The following PRKCE variants were observed in gnomAD, a reference collection of about 807,000 sequenced individuals.
PRKCE encodes protein kinase C epsilon type.
In PRKCE, 16 loss-of-function variants were observed where a neutral mutation model predicts 85.4. The observed-to-expected ratio is 0.19, with a 90% CI of 0.13 to 0.28. The LOEUF (loss-of-function observed/expected upper bound fraction) is 0.28. Among genes scored for constraint, PRKCE ranks in the 10% least tolerant of loss-of-function variants. PRKCE has a pLI of 1.00. For missense variants in PRKCE, 573 were observed against 975.2 expected (o/e 0.59, Z 5.49); for synonymous variants, 388 against 371.5 (o/e 1.04, Z -0.51).
At chr2:46,094,074 T>G (rs139459529) in intron 11 of PRKCE, among the ~76,000 whole-genome samples, 1 of 152,332 alleles carries the variant, frequency 6.6e-6, no homozygotes, top group African/African-American at 2.4e-5. Flanking sequence ...TTAGCATGTT[T>G]AGGTATAAGC....
chr2:45,652,198 C>T lies in PRKCE; in HGVS notation c.98C>T (p.Pro33Leu). 1 of 1,613,614 alleles carries T rather than the reference C, an allele frequency of 6.2e-7. No homozygotes were observed. The highest frequency in any genetic ancestry group is 8.5e-7 in the Non-Finnish European group (1 of 1,179,968). ...WSLRHAVGPR[P>L]QTFLLDPYIA... ...CTGCGCCATGCGGTGGGACCCCGGC[C>T]GCAGACTTTCCTTCTCGACCCCTAC... Residue 33 changes from proline to leucine, a missense_variant, in exon 1 of 15, where the codon CCG becomes CTG. Pro to Leu is a moderately conservative substitution (Grantham distance 98). Transcript: ENST00000306156. This position sits in a 1 kb window ranked among gnomAD's most constrained non-coding sequence, Gnocchi z 7.7.
chr2:45,838,670 C>A (rs1171403059), intron 1 of PRKCE, among the ~76,000 whole-genome samples: 2 of 152,114 alleles, frequency 1.3e-5, no homozygotes, highest in Non-Finnish European at 2.9e-5. Context: ...GTCACCCAGA[C>A]TGCAGTGCAG....
At chr2:45,729,684 G>T (rs543231628) in intron 1 of PRKCE, among the ~76,000 whole-genome samples, 1 of 152,296 alleles carries the variant, frequency 6.6e-6, no homozygotes, top group African/African-American at 2.4e-5. Context: ...CTCCATGGGG[G>T]CTTATTTTTT....
intron 1 of PRKCE, among the ~76,000 whole-genome samples, chr2:45,735,867 G>GAAATTA (rs1682014242): frequency 6.6e-6 from 1 of 152,200 alleles, no homozygotes; most frequent in Non-Finnish European, 1.5e-5. Context: ...GTGGAGAAAG[G>GAAATTA]AAATTAATGC....
rs79325241 is a variant in PRKCE at position 46,186,180 on chromosome 2, C to G, written c.*1299C>G. 5.9e-5 allele frequency: 9 copies of G among 152,640 alleles called. No individual in the cohort carries two copies. The East Asian group carries it at 1.7e-3, about 29-fold the overall frequency. 9.5% of individuals were successfully genotyped at this position (152,640 alleles called of 1,614,324 possible). A position where few individuals can be genotyped will look rare whatever the true frequency, so the allele number is the denominator to read the frequency against. ...CTGTAGATATGCTAACAGTGTTATTCTTTCATTTCCAAGGGTTCTCTGTGG... is the reference window on the plus strand; with the variant it reads ...CTGTAGATATGCTAACAGTGTTATTGTTTCATTTCCAAGGGTTCTCTGTGG... On this transcript the variant is annotated 3_prime_UTR_variant, in exon 15 of 15. Transcript: ENST00000306156.
At chr2:45,678,488 T>C (rs2103905102) in intron 1 of PRKCE, among the ~76,000 whole-genome samples, 1 of 152,324 alleles carries the variant, frequency 6.6e-6, no homozygotes, top group Admixed American at 6.5e-5. Flanking sequence ...AACCAGTCAT[T>C]TCCGAACTTT....
intron 1 of PRKCE, among the ~76,000 whole-genome samples, chr2:45,682,085 T>C (rs983814929): frequency 1.3e-5 from 2 of 152,214 alleles, no homozygotes; most frequent in African/African-American, 4.8e-5. Flanking sequence ...AAGTGTTGTT[T>C]ATCCAAACAA....
chr2:45,861,995 A>G (rs1693196111), intron 2 of PRKCE, among the ~76,000 whole-genome samples: 1 of 152,232 alleles, frequency 6.6e-6, no homozygotes, highest in African/African-American at 2.4e-5. Context: ...ATACGCCAGC[A>G]TAGTGTACAC....
intron 1 of PRKCE, among the ~76,000 whole-genome samples, chr2:45,768,351 C>A (rs749484297): frequency 6.6e-6 from 1 of 152,328 alleles, no homozygotes; most frequent in South Asian, 2.1e-4. Flanking sequence ...CAAATGACAT[C>A]GTCTATGTGT....
intron 12 of PRKCE, among the ~76,000 whole-genome samples, chr2:46,148,368 C>T (rs889401136): frequency 6.6e-6 from 1 of 152,218 alleles, no homozygotes; most frequent in African/African-American, 2.4e-5. Context: ...AGGAATCTTA[C>T]AAAAGATGCC....
At chr2:45,750,746 G>C (rs1205626469) in intron 1 of PRKCE, among the ~76,000 whole-genome samples, 1 of 152,218 alleles carries the variant, frequency 6.6e-6, no homozygotes. Context: ...ATACATGGAA[G>C]TATATAGAAC....
intron 10 of PRKCE, 135 bp downstream of exon 10, chr2:46,010,652 AG>A: frequency 6.3e-7 from 1 of 1,599,148 alleles, no homozygotes; most frequent in Non-Finnish European, 8.5e-7. Flanking sequence ...TGAAAAGATC[AG>A]GATGTATTTG....
chr2:46,119,013 G>A (rs951674908), intron 11 of PRKCE, among the ~76,000 whole-genome samples: 1 of 152,170 alleles, frequency 6.6e-6, no homozygotes, highest in South Asian at 2.1e-4. Flanking sequence ...GCTCCAGGAG[G>A]AAGAGAGCAA....
At chr2:45,928,073 A>G (rs1348776302) in intron 2 of PRKCE, among the ~76,000 whole-genome samples, 1 of 152,016 alleles carries the variant, frequency 6.6e-6, no homozygotes, top group Non-Finnish European at 1.5e-5. Flanking sequence ...AAACTCCTTG[A>G]CTTCAAGGAT....
chr2:45,815,727 A>G (rs1688990400), intron 1 of PRKCE, among the ~76,000 whole-genome samples: 1 of 152,240 alleles, frequency 6.6e-6, no homozygotes, highest in South Asian at 2.1e-4. Context: ...TTTGTAAGGA[A>G]TAACTAGGGA....
intron 10 of PRKCE, among the ~76,000 whole-genome samples, chr2:46,062,650 A>G (rs1400895194): frequency 7.0e-6 from 1 of 143,588 alleles, no homozygotes; most frequent in African/African-American, 2.6e-5. Context: ...TAGGAGTTGA[A>G]GGGTATAAAA....
intron 1 of PRKCE, chr2:45,675,666 G>A (rs1385537368): frequency 6.6e-6 from 1 of 152,220 alleles, no homozygotes; most frequent in African/African-American, 2.4e-5. Context: ...CTGCTTGGCT[G>A]GGTTATCTTT....
intron 1 of PRKCE, among the ~76,000 whole-genome samples, chr2:45,820,256 C>T (rs1689421793): frequency 6.6e-6 from 1 of 152,078 alleles, no homozygotes; most frequent in African/African-American, 2.4e-5. Context: ...AGAACACTGC[C>T]AGGCACTTGA....
intron 1 of PRKCE, among the ~76,000 whole-genome samples, chr2:45,662,346 T>A (rs1381876335): frequency 6.6e-6 from 1 of 152,200 alleles, no homozygotes; most frequent in Non-Finnish European, 1.5e-5. Flanking sequence ...ATATATGATC[T>A]GTAAAATTAC....
Sources: gnomAD v4.1 joint callset for allele counts (sites outside exome capture counted in the v4.1 genomes callset) on GRCh38, gnomAD v4.1.1 for gene constraint, Gnocchi (gnomAD v3.1) non-coding constraint, MANE v1.5 for transcripts, NCBI Gene and HGNC (gene_info 2026-07-23, HGNC 2026-07-21) for gene names.